Variants in RBFOX1 observed in about 807,000 individuals in gnomAD.
RBFOX1 encodes the protein RNA binding protein fox-1 homolog 1.
A neutral mutation model predicts 57.7 loss-of-function variants in RBFOX1; 8 were observed. The ratio of observed to expected loss-of-function variants is 0.14; its 90% CI spans 0.08 to 0.25. The LOEUF is 0.25. Among genes scored for constraint, RBFOX1 ranks in the 10% least tolerant of loss-of-function variants. The probability of loss-of-function intolerance (pLI) is 1.00; values close to 1 mark genes in which losing one functional copy is unlikely to be tolerated. For missense variants in RBFOX1, 611 were observed against 548.5 expected, an observed-to-expected ratio of 1.11 and a Z score of -1.14; for synonymous variants, 326 against 222.4, an observed-to-expected ratio of 1.47 and a Z score of -4.15.
chr16:7,372,800 G>A (rs1429764083), intron 4 of RBFOX1, among the ~76,000 whole-genome samples: 1 of 151,808 alleles, frequency 6.6e-6, no homozygotes, highest in Non-Finnish European at 1.5e-5. Context: ...AGAGAAGGAG[G>A]AAAAGAGAAG....
At chr16:6,780,302 CATATATATATTTATTCATATTT>C (rs1434240157) in intron 3 of RBFOX1, among the ~76,000 whole-genome samples, 3,419 of 78,074 alleles carry the variant, frequency 0.044, 306 homozygotes, top group South Asian at 0.1. Context: ...TATATTTATA[CATATATATATTTATTCATATTT>C]ATATATATTT....
At chr16:7,497,328 C>G (rs1190946073) in intron 4 of RBFOX1, among the ~76,000 whole-genome samples, 1 of 152,128 alleles carries the variant, frequency 6.6e-6, no homozygotes, top group Non-Finnish European at 1.5e-5. Context: ...TGCTTTTCCT[C>G]TTCCTTGAAT....
intron 14 of RBFOX1, among the ~76,000 whole-genome samples, chr16:7,694,677 C>A (rs1483300043): frequency 6.6e-6 from 1 of 152,130 alleles, no homozygotes; most frequent in Non-Finnish European, 1.5e-5. Flanking sequence ...TTACTAATGC[C>A]CAGTGCTAGG....
In RBFOX1 at chr16:5,532,878, T is replaced by A. The variant is rs145434548; in HGVS notation, c.258+65624T>A. Reference sequence around the variant, plus strand: ...TCCAACAGACTCTTCTCCTTCCCTTTCTGCCTGGAGACCCTGATGGAGATG... The same window carrying A: ...TCCAACAGACTCTTCTCCTTCCCTTACTGCCTGGAGACCCTGATGGAGATG... On this transcript the variant is annotated intron_variant, in intron 2 of 2. Transcript: ENST00000585867. 2.6e-5 allele frequency among the ~76,000 whole-genome samples: 4 copies of A among 152,298 alleles called. No homozygotes were observed. In the East Asian group the frequency reaches 7.7e-4, roughly 29 times the overall value.
At chr16:6,578,453 G>C (rs1414869125) in intron 2 of RBFOX1, among the ~76,000 whole-genome samples, 2 of 152,084 alleles carry the variant, frequency 1.3e-5, no homozygotes, top group African/African-American at 4.8e-5. Flanking sequence ...ACAGTGATCT[G>C]CTTCTCTGGG....
chr16:5,896,085 C>G (rs1324413226), intron 4 of RBFOX1, among the ~76,000 whole-genome samples: 1 of 151,958 alleles, frequency 6.6e-6, no homozygotes, highest in Non-Finnish European at 1.5e-5. Context: ...GGGGAAGTGC[C>G]GTCAGGAGAA....
chr16:7,336,793 A>G (rs938539736), intron 4 of RBFOX1, among the ~76,000 whole-genome samples: 13 of 152,242 alleles, frequency 8.5e-5, no homozygotes, highest in Admixed American at 4.6e-4. Context: ...TAAATTCCAA[A>G]AAGCTCTGAA....
At chr16:6,455,018 G>T (rs1384711278) in intron 2 of RBFOX1, among the ~76,000 whole-genome samples, 2 of 150,608 alleles carry the variant, frequency 1.3e-5, no homozygotes, top group African/African-American at 4.9e-5. Flanking sequence ...AAGTAGCTGG[G>T]ACTATAGGCA....
intron 4 of RBFOX1, among the ~76,000 whole-genome samples, chr16:7,211,032 A>G (rs1394236760): frequency 7.9e-5 from 12 of 151,660 alleles, no homozygotes; most frequent in Admixed American, 5.3e-4. Context: ...TGTATGTGGA[A>G]GTCAAGATAA....
chr16:6,083,395 T>G (rs1012189906), intron 1 of RBFOX1, among the ~76,000 whole-genome samples: 2 of 152,220 alleles, frequency 1.3e-5, no homozygotes, highest in Non-Finnish European at 2.9e-5. Context: ...TTAAAACATG[T>G]GTTCCTAGAT....
chr16:7,354,067 G>C (rs904892094), intron 4 of RBFOX1, among the ~76,000 whole-genome samples: 5 of 152,128 alleles, frequency 3.3e-5, no homozygotes, highest in African/African-American at 1.2e-4. Context: ...TACCTCCCAG[G>C]TTCAAGCGAT....
intron 3 of RBFOX1, among the ~76,000 whole-genome samples, chr16:6,783,067 GT>G (rs914515190): frequency 1.3e-5 from 2 of 151,410 alleles, no homozygotes; most frequent in Non-Finnish European, 2.9e-5. Context: ...TTCTTTTTTG[GT>G]TTTCATTTGC....
chr16:6,166,162 G>T (rs1173382489), intron 1 of RBFOX1, among the ~76,000 whole-genome samples: 3 of 152,162 alleles, frequency 2.0e-5, no homozygotes, highest in African/African-American at 7.2e-5. Flanking sequence ...AAGCATCTTA[G>T]TTGGCAATTC....
chr16:6,923,580 C>T (rs957641851), intron 3 of RBFOX1, among the ~76,000 whole-genome samples: 2 of 151,982 alleles, frequency 1.3e-5, no homozygotes, highest in Non-Finnish European at 2.9e-5. Flanking sequence ...TCATGGCTGA[C>T]CATTTTCCAG....
intron 2 of RBFOX1, among the ~76,000 whole-genome samples, chr16:5,595,798 G>C (rs953293561): frequency 2.0e-5 from 3 of 152,158 alleles, no homozygotes; most frequent in Non-Finnish European, 4.4e-5. Flanking sequence ...AGGGACACAC[G>C]GGATTGGGCA....
Position 6,019,820 on chromosome 16 carries a change from G to A in RBFOX1, c.-299G>A, listed in dbSNP as rs370666192. 6.0e-5 allele frequency: 91 copies of A among 1,504,740 alleles called. No homozygotes were observed. In the East Asian group the frequency reaches 1.5e-3, roughly 25 times the overall value. The allele number at this position is 1,504,740 out of a possible 1,614,324, so 93.2% of individuals were successfully genotyped here. ...ACCCTCGCCGCGCCCAGGCAGGCGC[G>A]CCAGGGCGGGGCTGACCTGCCCGCG... On this transcript the variant is annotated 5_prime_UTR_variant, in exon 1 of 16. Transcript: ENST00000550418. This position sits in a 1 kb window ranked among gnomAD's most constrained non-coding sequence, Gnocchi z 4.2.
At chr16:7,450,850 G>A (rs915961323) in intron 4 of RBFOX1, among the ~76,000 whole-genome samples, 19 of 152,180 alleles carry the variant, frequency 1.2e-4, no homozygotes, top group East Asian at 1.9e-4. Flanking sequence ...GGCATGCGAC[G>A]GGCCCAGCAT....
chr16:5,686,391 T>G (rs2050505694), intron 3 of RBFOX1, among the ~76,000 whole-genome samples: 1 of 152,196 alleles, frequency 6.6e-6, no homozygotes, highest in Non-Finnish European at 1.5e-5. Flanking sequence ...TCTCCATTAT[T>G]TTTTGAGAAT....
intron 1 of RBFOX1, among the ~76,000 whole-genome samples, chr16:6,243,570 A>G (rs932488057): frequency 3.3e-5 from 5 of 152,158 alleles, no homozygotes; most frequent in Non-Finnish European, 7.3e-5. Context: ...GCAGGGTATC[A>G]TGTCCTCTAA....
Sources: gnomAD v4.1 joint callset for allele counts (sites outside exome capture counted in the v4.1 genomes callset) on GRCh38, gnomAD v4.1.1 for gene constraint, Gnocchi (gnomAD v3.1) non-coding constraint, MANE v1.5 for transcripts, NCBI Gene and HGNC (gene_info 2026-07-23, HGNC 2026-07-21) for gene names.